ARHGEF11: variants seen among roughly 807,000 people sequenced by gnomAD.
The protein encoded by ARHGEF11 is Rho guanine exchange factor (GEF) 11.
In ARHGEF11, 55 loss-of-function variants were observed where a neutral mutation model predicts 193.7. The observed-to-expected ratio is 0.28, with a 90% confidence interval of 0.23 to 0.36. ARHGEF11 has a LOEUF of 0.36. Ranked by LOEUF, ARHGEF11 falls within the 10% of genes least tolerant of loss-of-function variation. The pLI is 1.00. For synonymous variants in ARHGEF11, 693 were observed against 768.0 expected, an observed-to-expected ratio of 0.90 and a Z score of 1.62; for missense variants, 1,723 against 2,005.6, an observed-to-expected ratio of 0.86 and a Z score of 2.69.
chr1:156,949,144 T>A (rs1658687259), intron 22 of ARHGEF11: 1 of 982,600 alleles, frequency 1.0e-6, no homozygotes, highest in Admixed American at 6.1e-5. Flanking sequence ...AGATTCCATT[T>A]CCTCTCAAGA....
At chr1:156,992,858 C>T (rs1665959567) in intron 1 of ARHGEF11, among the ~76,000 whole-genome samples, 1 of 152,040 alleles carries the variant, frequency 6.6e-6, no homozygotes, top group Non-Finnish European at 1.5e-5. Context: ...TATACGAGTT[C>T]GAACTTAAGG....
chr1:156,969,085 G>T (rs557312350), intron 10 of ARHGEF11, among the ~76,000 whole-genome samples, 197 bp downstream of exon 10: 20 of 152,324 alleles, frequency 1.3e-4, no homozygotes, highest in Admixed American at 3.9e-4. Flanking sequence ...ATGAAAGCCA[G>T]ATTTGATAAT....
intron 1 of ARHGEF11, 55 bp from the exon 2 acceptor site, chr1:156,986,228 T>G: frequency 6.9e-7 from 1 of 1,454,778 alleles, no homozygotes; most frequent in Non-Finnish European, 9.6e-7. Flanking sequence ...GGATCAGCCT[T>G]GTAGTAGATG....
At chr1:157,037,605 C>G (rs1431124246) in intron 1 of ARHGEF11, among the ~76,000 whole-genome samples, 2 of 152,172 alleles carry the variant, frequency 1.3e-5, no homozygotes, top group Non-Finnish European at 2.9e-5. Context: ...AACTACTCTG[C>G]CTTTGACTAT....
At chr1:156,982,788 C>T (rs1664372086) in intron 3 of ARHGEF11, among the ~76,000 whole-genome samples, 1 of 152,152 alleles carries the variant, frequency 6.6e-6, no homozygotes, top group Non-Finnish European at 1.5e-5. Context: ...CTCTGTCTCA[C>T]CCTAGTCCAG....
At chr1:157,017,352 G>A (rs1415770442) in intron 1 of ARHGEF11, among the ~76,000 whole-genome samples, 2 of 152,128 alleles carry the variant, frequency 1.3e-5, no homozygotes, top group African/African-American at 2.4e-5. Context: ...TTGTATGTCC[G>A]TCTCTTCCAT....
chr1:157,040,839 T>G (rs960740847), intron 1 of ARHGEF11, among the ~76,000 whole-genome samples: 1 of 152,218 alleles, frequency 6.6e-6, no homozygotes, highest in Non-Finnish European at 1.5e-5. Context: ...CTCGTTTGAT[T>G]TGCTCCTTTC....
intron 1 of ARHGEF11, among the ~76,000 whole-genome samples, chr1:157,019,942 T>A (rs556829465): frequency 6.6e-6 from 1 of 152,000 alleles, no homozygotes; most frequent in African/African-American, 2.4e-5. Context: ...CTGGCTAACA[T>A]GGTGAAACCC....
intron 4 of ARHGEF11, 53 bp downstream of exon 4, chr1:156,980,384 C>G: frequency 6.3e-7 from 1 of 1,574,864 alleles, no homozygotes; most frequent in Non-Finnish European, 8.6e-7. Flanking sequence ...CAGGAGTGCC[C>G]TGCACATCTA....
intron 36 of ARHGEF11, 30 bp from the exon 37 acceptor site, chr1:156,939,940 A>G: frequency 6.3e-7 from 1 of 1,595,510 alleles, no homozygotes; most frequent in Non-Finnish European, 8.5e-7. Flanking sequence ...ATGTCTTCCC[A>G]GCATGGGACT....
At chr1:156,997,892 C>T (rs571070188) in intron 1 of ARHGEF11, among the ~76,000 whole-genome samples, 1 of 151,808 alleles carries the variant, frequency 6.6e-6, no homozygotes, top group Admixed American at 6.6e-5. Flanking sequence ...TGTTAAATTA[C>T]ATGTGGTTTG....
intron 1 of ARHGEF11, among the ~76,000 whole-genome samples, chr1:157,039,801 C>T (rs771468506): frequency 6.6e-6 from 1 of 152,164 alleles, no homozygotes; most frequent in Non-Finnish European, 1.5e-5. Flanking sequence ...ACTCCTCTTA[C>T]GTTTATAGAA....
intron 1 of ARHGEF11, among the ~76,000 whole-genome samples, chr1:157,011,745 T>C (rs1668572775): frequency 6.6e-6 from 1 of 152,174 alleles, no homozygotes; most frequent in Non-Finnish European, 1.5e-5. Context: ...ATATCATTAG[T>C]TATTAAGGAA....
chr1:156,957,666 C>A, intron 18 of ARHGEF11, 126 bp downstream of exon 18: 1 of 1,076,064 alleles, frequency 9.3e-7, no homozygotes, highest in Non-Finnish European at 1.4e-6. Context: ...CTTTCAGGAA[C>A]CACGGTCCTT....
At chr1:156,965,251 A>G (rs1202031320) in intron 11 of ARHGEF11, among the ~76,000 whole-genome samples, 1 of 152,208 alleles carries the variant, frequency 6.6e-6, no homozygotes, top group Non-Finnish European at 1.5e-5. Context: ...AGCCACCTGA[A>G]GGAAAGCCTT....
At chr1:156,959,706 G>A (rs1273444953) in intron 15 of ARHGEF11, among the ~76,000 whole-genome samples, 2 of 152,146 alleles carry the variant, frequency 1.3e-5, no homozygotes, top group African/African-American at 2.4e-5. Flanking sequence ...ACATGTGCCC[G>A]TAAATCATCT....
In ARHGEF11 at chr1:156,948,018, C is replaced by T; in HGVS notation, c.2154-62G>A. 2 of 1,579,444 alleles carry T rather than the reference C, an allele frequency of 1.3e-6. No individual in the cohort carries two copies. Among genetic ancestry groups the T allele is most frequent in the Non-Finnish European group, 8.6e-7 (1 of 1,158,232 alleles). On this transcript the variant is annotated intron_variant, in intron 24 of 40. Coordinates refer to ENST00000368194, the MANE Select transcript of ARHGEF11 (RefSeq NM_198236.3). This position sits in a 1 kb window ranked among gnomAD's most constrained non-coding sequence, Gnocchi z 4.2. ...GAAGAACTCACACAGAGGGTTTGGCCCTCCCTCTCCTGCCCGACCTGCTTG... is the reference window on the plus strand; with the variant it reads ...GAAGAACTCACACAGAGGGTTTGGCTCTCCCTCTCCTGCCCGACCTGCTTG...
rs148591491 is a variant in ARHGEF11, at chr1:156,958,769, T to C, written c.1475A>G (p.Lys492Arg). The change falls in exon 17 of 41, where the codon AAG becomes AGG. Residue 492 changes from lysine to arginine, a missense_variant. Lys to Arg is a conservative substitution (Grantham distance 26). Coordinates refer to ENST00000368194, the MANE Select transcript of ARHGEF11 (RefSeq NM_198236.3). The part of the protein sequence containing the change: ...DPLRERQVAE[K>R]QLAALGDILS... ...AATATCTCCAAGGGCAGCCAGCTGC[T>C]TCTCAGCCACTTGGCGCTCTCGGAG... The C allele has an allele frequency of 1.5e-4, 240 of 1,614,156 alleles. No individual in the cohort carries two copies. In the African/African-American group the frequency reaches 3.1e-3, roughly 21 times the overall value.
chr1:157,029,261 TTTGTTGTTG>T (rs3082842), intron 1 of ARHGEF11, among the ~76,000 whole-genome samples: 2 of 150,304 alleles, frequency 1.3e-5, no homozygotes, highest in East Asian at 3.9e-4. Context: ...TTTGGTGGTT[TTTGTTGTTG>T]TTGTTGTTGT....
Sources: allele counts gnomAD v4.1 joint callset (sites outside exome capture counted in the v4.1 genomes callset), GRCh38; gene constraint gnomAD v4.1.1; non-coding constraint Gnocchi (gnomAD v3.1); transcripts MANE v1.5; gene names NCBI Gene and HGNC (gene_info 2026-07-23, HGNC 2026-07-21).